PDE4D: variants seen among roughly 807,000 people sequenced by gnomAD.
PDE4D encodes the protein phosphodiesterase 4D.
PDE4D carries 24 observed loss-of-function variants against 87.4 expected under a neutral mutation model. The observed-to-expected ratio is 0.27, with a 90% CI of 0.20 to 0.39. The LOEUF (loss-of-function observed/expected upper bound fraction) is 0.39, where lower values mean the gene tolerates loss of function less well. Ranked by LOEUF, PDE4D falls within the 10% of genes least tolerant of loss-of-function variation. The pLI, the probability that PDE4D is intolerant of heterozygous loss-of-function variation, is 1.00. For missense variants in PDE4D, 714 were observed against 1,041.0 expected, an observed-to-expected ratio of 0.69 and a Z score of 4.32; for synonymous variants, 384 against 383.2, an observed-to-expected ratio of 1.00 and a Z score of -0.02.
At chr5:59,647,944 G>A (rs1212945169) in intron 1 of PDE4D, among the ~76,000 whole-genome samples, 3 of 152,086 alleles carry the variant, frequency 2.0e-5, no homozygotes, top group Non-Finnish European at 4.4e-5. Context: ...TCACTACACT[G>A]TAATAGAAAT....
intron 1 of PDE4D, among the ~76,000 whole-genome samples, chr5:59,308,974 A>C (rs1220358342): frequency 1.3e-5 from 2 of 152,058 alleles, no homozygotes; most frequent in Admixed American, 6.6e-5. Context: ...TTGTGCACCT[A>C]GGAGGATTAT....
At chr5:59,564,151 T>C (rs1163723812) in intron 1 of PDE4D, among the ~76,000 whole-genome samples, 5 of 152,134 alleles carry the variant, frequency 3.3e-5, no homozygotes, top group African/African-American at 1.2e-4. Context: ...GATAGAAAAA[T>C]GCTATTTCAA....
intron 1 of PDE4D, among the ~76,000 whole-genome samples, chr5:60,252,028 C>T (rs891911939): frequency 6.6e-6 from 1 of 151,942 alleles, no homozygotes; most frequent in Non-Finnish European, 1.5e-5. Context: ...CAATTGCCCA[C>T]AGTGTTCAGT....
At chr5:59,662,286 AAGGAATTC>A (rs1215731137) in intron 1 of PDE4D, among the ~76,000 whole-genome samples, 1 of 152,222 alleles carries the variant, frequency 6.6e-6, no homozygotes, top group African/African-American at 2.4e-5. Flanking sequence ...GCTAAACCCT[AAGGAATTC>A]AGACTTCTCT....
chr5:59,592,325 C>G (rs1158210176), intron 1 of PDE4D, among the ~76,000 whole-genome samples: 1 of 152,160 alleles, frequency 6.6e-6, no homozygotes, highest in Non-Finnish European at 1.5e-5. Context: ...ATACGAGAAG[C>G]CTTTCATGAA....
chr5:59,488,248 G>A (rs903622812), intron 1 of PDE4D, among the ~76,000 whole-genome samples: 1 of 151,416 alleles, frequency 6.6e-6, no homozygotes, highest in African/African-American at 2.4e-5. Context: ...CATTTCTAAG[G>A]CCTGTAGGCC....
intron 5 of PDE4D, among the ~76,000 whole-genome samples, chr5:59,090,914 C>T (rs1157278697): frequency 2.1e-5 from 3 of 144,400 alleles, no homozygotes; most frequent in African/African-American, 2.6e-5. Flanking sequence ...TGGATGAATT[C>T]GCCTCTCTTA....
chr5:59,470,753 A>G (rs1668945350), intron 1 of PDE4D, among the ~76,000 whole-genome samples: 1 of 152,318 alleles, frequency 6.6e-6, no homozygotes, highest in Admixed American at 6.5e-5. Context: ...CTTACAGGAT[A>G]GATGTTGTGG....
chr5:60,059,217 G>A (rs1771133806), intron 2 of PDE4D, among the ~76,000 whole-genome samples: 1 of 151,980 alleles, frequency 6.6e-6, no homozygotes, highest in Non-Finnish European at 1.5e-5. Context: ...AGAGAACACT[G>A]TTGGCAGCTG....
chr5:59,872,537 GA>G (rs1294212417), intron 1 of PDE4D, among the ~76,000 whole-genome samples: 1 of 152,056 alleles, frequency 6.6e-6, no homozygotes, highest in African/African-American at 2.4e-5. Flanking sequence ...ACAGAATTTG[GA>G]ATCTGAGATA....
intron 1 of PDE4D, among the ~76,000 whole-genome samples, chr5:60,351,524 G>T (rs1296646203): frequency 6.6e-6 from 1 of 152,114 alleles, no homozygotes; most frequent in Non-Finnish European, 1.5e-5. Flanking sequence ...TGGATCATGA[G>T]TTGATCTTGA....
At chr5:59,756,315 T>C (rs1184826132) in intron 1 of PDE4D, among the ~76,000 whole-genome samples, 3 of 152,122 alleles carry the variant, frequency 2.0e-5, no homozygotes, top group African/African-American at 7.2e-5. Context: ...TATTCAGTAA[T>C]TTCCCAAGAA....
chr5:60,381,966 TTCA>T (rs1277911884), intron 1 of PDE4D, among the ~76,000 whole-genome samples: 1 of 152,206 alleles, frequency 6.6e-6, no homozygotes, highest in African/African-American at 2.4e-5. Context: ...CTATTTTCAA[TTCA>T]TCATGAAAGA....
At chr5:59,210,052 C>T (rs1353500275) in intron 2 of PDE4D, among the ~76,000 whole-genome samples, 1 of 152,228 alleles carries the variant, frequency 6.6e-6, no homozygotes, top group East Asian at 1.9e-4. Context: ...CTGGGAAAAA[C>T]CCAGAACTGG....
chr5:59,685,060 G>C (rs1329215401), intron 1 of PDE4D, among the ~76,000 whole-genome samples: 1 of 152,178 alleles, frequency 6.6e-6, no homozygotes, highest in Non-Finnish European at 1.5e-5. Flanking sequence ...ATAGAGTATA[G>C]AGTATGTATG....
At chr5:59,583,634 G>C (rs1824593612) in intron 1 of PDE4D, among the ~76,000 whole-genome samples, 1 of 152,188 alleles carries the variant, frequency 6.6e-6, no homozygotes, top group Non-Finnish European at 1.5e-5. Context: ...ATTAAACCAA[G>C]TAATAGGACC....
chr5:59,661,293 T>C (rs1258383267), intron 1 of PDE4D, among the ~76,000 whole-genome samples: 1 of 152,048 alleles, frequency 6.6e-6, no homozygotes, highest in Non-Finnish European at 1.5e-5. Flanking sequence ...GAGGGCAAAT[T>C]ATCAAATGAT....
At chr5:60,054,568 A>G (rs1357784660) in intron 2 of PDE4D, among the ~76,000 whole-genome samples, 2 of 152,138 alleles carry the variant, frequency 1.3e-5, no homozygotes, top group African/African-American at 4.8e-5. Flanking sequence ...ATTAGGAGAA[A>G]TACCTAATGT....
At chr5:59,268,548 A>G (rs757841762) in intron 1 of PDE4D, among the ~76,000 whole-genome samples, 1 of 152,010 alleles carries the variant, frequency 6.6e-6, no homozygotes, top group Non-Finnish European at 1.5e-5. Flanking sequence ...TGGCTGAAGT[A>G]TACCTTACTT....
Sources: allele counts gnomAD v4.1 joint callset (sites outside exome capture counted in the v4.1 genomes callset), GRCh38; gene constraint gnomAD v4.1.1; transcripts MANE v1.5; gene names NCBI Gene and HGNC (gene_info 2026-07-23, HGNC 2026-07-21).